Variants in RBFOX1 observed in about 807,000 individuals in gnomAD.
The protein encoded by RBFOX1 is RNA binding protein fox-1 homolog 1.
RBFOX1 carries 8 observed loss-of-function variants against 57.7 expected under a neutral mutation model. That is an observed-to-expected ratio of 0.14 (90% confidence interval 0.08 to 0.25). The LOEUF (loss-of-function observed/expected upper bound fraction) is 0.25. RBFOX1 is among the 10% of genes least tolerant of loss of function. The probability of loss-of-function intolerance (pLI) is 1.00; values close to 1 mark genes in which losing one functional copy is unlikely to be tolerated. For missense variants in RBFOX1, 611 were observed against 548.5 expected (o/e 1.11, Z -1.14); for synonymous variants, 326 against 222.4 (o/e 1.47, Z -4.15).
intron 3 of RBFOX1, among the ~76,000 whole-genome samples, chr16:6,873,414 G>T (rs1325188176): frequency 6.6e-6 from 1 of 152,092 alleles, no homozygotes; most frequent in East Asian, 1.9e-4. Flanking sequence ...AAGAAGAAGT[G>T]CTCACTATGA....
chr16:5,496,547 G>C (rs909342944), intron 2 of RBFOX1, among the ~76,000 whole-genome samples: 1 of 152,010 alleles, frequency 6.6e-6, no homozygotes, highest in Non-Finnish European at 1.5e-5. Flanking sequence ...TTACTCACTT[G>C]TTATCAGGCA....
chr16:6,734,311 C>G (rs903439399), intron 3 of RBFOX1, among the ~76,000 whole-genome samples: 3 of 152,100 alleles, frequency 2.0e-5, no homozygotes, highest in African/African-American at 7.2e-5. Context: ...TTGCTTTGTT[C>G]AGAAGGCAAA....
At chr16:7,487,254 G>A (rs1186418190) in intron 4 of RBFOX1, among the ~76,000 whole-genome samples, 1 of 152,130 alleles carries the variant, frequency 6.6e-6, no homozygotes, top group African/African-American at 2.4e-5. Flanking sequence ...TTTCCTCCAA[G>A]ACATCCACAT....
At chr16:5,763,444 A>C (rs2053657682) in intron 3 of RBFOX1, among the ~76,000 whole-genome samples, 1 of 152,168 alleles carries the variant, frequency 6.6e-6, no homozygotes, top group Non-Finnish European at 1.5e-5. Flanking sequence ...TCTTGGAGGG[A>C]GACAGCCAGA....
At chr16:6,477,617 T>C (rs904737251) in intron 2 of RBFOX1, among the ~76,000 whole-genome samples, 6 of 152,176 alleles carry the variant, frequency 3.9e-5, no homozygotes, top group African/African-American at 1.4e-4. Context: ...CCCTAGGAGA[T>C]TCAAAATGGT....
rs562824297 is a variant in RBFOX1 at position 5,638,932 on chromosome 16, C to T, written c.318+39971C>T. The stretch of plus-strand genomic sequence containing the variant: ...CTGTGAAACCCAACTCAAATGTCCC[C>T]TGCTCTGTGATTCCTACAGAAATGC... On this transcript the variant is annotated intron_variant, in intron 3 of 19. Coordinates refer to the RBFOX1 transcript ENST00000641259. 2.0e-5 allele frequency among the ~76,000 whole-genome samples: 3 copies of T among 152,322 alleles called. No individual in the cohort carries two copies. In the East Asian group the frequency reaches 5.8e-4, roughly 29 times the overall value.
At chr16:5,443,724 C>G (rs1034604557) in intron 1 of RBFOX1, among the ~76,000 whole-genome samples, 1 of 152,204 alleles carries the variant, frequency 6.6e-6, no homozygotes, top group African/African-American at 2.4e-5. Context: ...GGGTCAGGGA[C>G]CCCTTTAAGC....
intron 2 of RBFOX1, among the ~76,000 whole-genome samples, chr16:6,550,210 C>T (rs1445315564): frequency 1.3e-5 from 2 of 152,098 alleles, no homozygotes; most frequent in Non-Finnish European, 2.9e-5. Context: ...CAGAGTCTTA[C>T]TCTGTCGCCC....
chr16:7,436,529 A>C (rs1424023713), intron 4 of RBFOX1, among the ~76,000 whole-genome samples: 1 of 152,204 alleles, frequency 6.6e-6, no homozygotes, highest in Non-Finnish European at 1.5e-5. Context: ...CATCCATCCA[A>C]CAACTCTAGG....
At chr16:6,180,371 A>G (rs919143159) in intron 1 of RBFOX1, among the ~76,000 whole-genome samples, 1 of 151,364 alleles carries the variant, frequency 6.6e-6, no homozygotes, top group African/African-American at 2.4e-5. Context: ...TTCCAGAAAT[A>G]TTTTTTTCAT....
At chr16:7,482,701 C>G (rs1439492059) in intron 4 of RBFOX1, among the ~76,000 whole-genome samples, 3 of 151,792 alleles carry the variant, frequency 2.0e-5, no homozygotes, top group Non-Finnish European at 4.4e-5. Flanking sequence ...GCTTGCACTT[C>G]GAATCCACAA....
At chr16:5,568,016 T>C (rs2046134439) in intron 2 of RBFOX1, among the ~76,000 whole-genome samples, 1 of 152,156 alleles carries the variant, frequency 6.6e-6, no homozygotes, top group African/African-American at 2.4e-5. Context: ...ACTGATCTGC[T>C]CTATAGCCTG....
intron 4 of RBFOX1, among the ~76,000 whole-genome samples, chr16:7,185,286 T>C (rs1250868593): frequency 1.3e-5 from 2 of 152,210 alleles, no homozygotes; most frequent in African/African-American, 4.8e-5. Context: ...CACGTATTTT[T>C]TTTTCCCTAA....
intron 3 of RBFOX1, among the ~76,000 whole-genome samples, chr16:5,791,547 C>T (rs976743207): frequency 6.6e-6 from 1 of 152,088 alleles, no homozygotes; most frequent in South Asian, 2.1e-4. Context: ...AGGCAGGCAG[C>T]ACACAAAAGT....
chr16:6,822,213 T>C lies in RBFOX1; in HGVS notation c.-16+167563T>C, dbSNP rs114225434. Among the ~76,000 whole-genome samples the C allele has an allele frequency of 4.6e-3, 700 of 152,296 alleles. 8 individuals carry two copies. The highest frequency in any genetic ancestry group is 0.016 in the African/African-American group (649 of 41,580). ...TGATGGATGGTTGGATGACAGTCAG[T>C]TTGAAATGCTGGTATGGCAGATTTC... On this transcript the variant is annotated intron_variant, in intron 3 of 15. Transcript: ENST00000550418.
chr16:7,158,665 C>T lies in RBFOX1; in HGVS notation c.27+106567C>T, dbSNP rs147221061. Among the ~76,000 whole-genome samples, 156 of 148,870 alleles carry T rather than the reference C, an allele frequency of 1.0e-3. 1 individual carries two copies. Among genetic ancestry groups the T allele is most frequent in the African/African-American group, 3.2e-3 (129 of 40,812 alleles). ...TTGTGGTGTGTCTATGGTGCGTGCA[C>T]GCACGTATGTGTGTATGGTGTGTCT... On this transcript the variant is annotated intron_variant, in intron 4 of 15. Transcript: ENST00000550418.
chr16:5,585,722 G>A (rs2046808901), intron 2 of RBFOX1, among the ~76,000 whole-genome samples: 1 of 152,240 alleles, frequency 6.6e-6, no homozygotes, highest in Non-Finnish European at 1.5e-5. Flanking sequence ...CATTTATGCA[G>A]GGTGTAGACC....
At chr16:6,247,347 G>A (rs1036598661) in intron 1 of RBFOX1, among the ~76,000 whole-genome samples, 1 of 152,156 alleles carries the variant, frequency 6.6e-6, no homozygotes, top group Non-Finnish European at 1.5e-5. Context: ...CTCTTGTTCA[G>A]ACTTTGGCAG....
chr16:6,955,287 T>C (rs1372515261), intron 3 of RBFOX1, among the ~76,000 whole-genome samples: 3 of 151,972 alleles, frequency 2.0e-5, no homozygotes. Context: ...CTCCCTAGCG[T>C]ACGATTAAGT....
Sources: gnomAD v4.1 joint callset for allele counts (sites outside exome capture counted in the v4.1 genomes callset) on GRCh38, gnomAD v4.1.1 for gene constraint, MANE v1.5 for transcripts, NCBI Gene and HGNC (gene_info 2026-07-23, HGNC 2026-07-21) for gene names.